MCUR1: variants seen among roughly 807,000 people sequenced by gnomAD.
MCUR1 encodes the protein mitochondrial calcium uniporter regulator 1.
In MCUR1, 37 loss-of-function variants were observed where a neutral mutation model predicts 42.0. That is an observed-to-expected ratio of 0.88 (90% confidence interval 0.68 to 1.16). The LOEUF (loss-of-function observed/expected upper bound fraction) is 1.16, where lower values mean the gene tolerates loss of function less well. MCUR1 is among the 50% of genes most tolerant of loss of function. MCUR1 has a pLI of 0.00. For synonymous variants in MCUR1, 229 were observed against 196.2 expected, an observed-to-expected ratio of 1.17 and a Z score of -1.40; for missense variants, 469 against 468.4, an observed-to-expected ratio of 1.00 and a Z score of -0.01.
chr6:13,790,965 T>G (rs1188579002), intron 8 of MCUR1, 101 bp from the exon 9 acceptor site: 1 of 846,372 alleles, frequency 1.2e-6, no homozygotes, highest in South Asian at 1.6e-5. Context: ...CCTAGAAACT[T>G]AGATTGCTCA....
At position 13,814,089 on chromosome 6, in the gene MCUR1, G is replaced by C. The variant is rs927068146; in HGVS notation, c.341C>G (p.Pro114Arg). Residue 114 changes from proline (P) to arginine (R), a missense_variant, in exon 1 of 9, where the codon CCG (proline) becomes CGG (arginine). By Grantham distance (103) the Pro-to-Arg change is moderately radical. Transcript: ENST00000379170. ...AGRSSAWRCSPGVAAAAGALP... is the reference protein window; with the variant it reads ...AGRSSAWRCSRGVAAAAGALP... ...GGCGCCGGCGGCAGCGGCGACGCCC[G>C]GTGAGCACCTCCACGCGCTGCTGCG... 3 of 1,239,924 alleles carry C rather than the reference G, an allele frequency of 2.4e-6. No individual in the cohort carries two copies. In the East Asian group the frequency reaches 9.5e-5, roughly 39 times the overall value. The allele number at this position is 1,239,924 out of a possible 1,614,324, so 76.8% of individuals were successfully genotyped here.
rs1219264426 is a variant in MCUR1 at position 13,801,394 on chromosome 6, G to C, written c.640-5C>G. 6.3e-7 allele frequency: 1 copy of C among 1,597,478 alleles called. No individual in the cohort carries two copies. Among genetic ancestry groups the C allele is most frequent in the East Asian group, 2.2e-5 (1 of 44,702 alleles). On this transcript the variant is annotated splice_polypyrimidine_tract_variant and splice_region_variant and intron_variant, in intron 3 of 8. Transcript: ENST00000379170. The stretch of plus-strand genomic sequence containing the variant: ...TACTTGCTGAAAAGTGATTTCCTAG[G>C]AAAAGAAAAACAAAACACATAATCT...
At chr6:13,803,373 T>C (rs1055432318) in intron 2 of MCUR1, among the ~76,000 whole-genome samples, 47 of 152,246 alleles carry the variant, frequency 3.1e-4, no homozygotes, top group African/African-American at 1.1e-3. Context: ...TACTTGGTAT[T>C]GTTTTTAAAA....
At chr6:13,799,263 C>T (rs563085147) in intron 5 of MCUR1, among the ~76,000 whole-genome samples, 1 of 151,916 alleles carries the variant, frequency 6.6e-6, no homozygotes, top group African/African-American at 2.4e-5. Context: ...TCTGCTCACG[C>T]AACTTCTGCC....
At position 13,798,881 on chromosome 6, in the gene MCUR1, T is replaced by G; in HGVS notation, c.807A>C (p.Thr269=). Residue 269 remains threonine (T), a synonymous_variant, in exon 6 of 9, where the codon ACA becomes ACC. Transcript: ENST00000379170. ...QVMDEVIKVR[T]DTKLDFNLEK... ...CTAGGTTGAAGTCTAATTTGGTATCTGTTCGGACTTTGATCACTTCATCCT... is the reference window on the plus strand; with the variant it reads ...CTAGGTTGAAGTCTAATTTGGTATCGGTTCGGACTTTGATCACTTCATCCT... The G allele has an allele frequency of 1.2e-6, 2 of 1,609,774 alleles. No homozygotes were observed. Among genetic ancestry groups the G allele is most frequent in the Non-Finnish European group, 1.7e-6 (2 of 1,176,446 alleles).
Position 13,789,434 on chromosome 6 carries a change from G to C in MCUR1, c.*1375C>G, listed in dbSNP as rs2113448588. 6.6e-6 allele frequency: 1 copy of C among 151,548 alleles called. No homozygotes were observed. The highest frequency in any genetic ancestry group is 2.4e-5 in the African/African-American group (1 of 41,318). The allele number at this position is 151,548 out of a possible 1,614,324, so 9.4% of individuals were successfully genotyped here. On this transcript the variant is annotated 3_prime_UTR_variant, in exon 9 of 9. Coordinates refer to ENST00000379170, the MANE Select transcript of MCUR1 (RefSeq NM_001031713.4). Reference sequence around the variant, plus strand: ...AAAAAGGTGAGAATGTGCTTTTCCAGAATAACCCCAGTTGTATCTAGAATT... The same window carrying C: ...AAAAAGGTGAGAATGTGCTTTTCCACAATAACCCCAGTTGTATCTAGAATT...
intron 6 of MCUR1, among the ~76,000 whole-genome samples, chr6:13,798,394 C>T (rs986543677): frequency 7.9e-5 from 12 of 152,066 alleles, no homozygotes; most frequent in Middle Eastern, 3.4e-3. Flanking sequence ...GCTACCGCGC[C>T]CGGCCAGAAA....
At chr6:13,808,345 G>C (rs1760156025) in intron 1 of MCUR1, among the ~76,000 whole-genome samples, 1 of 152,046 alleles carries the variant, frequency 6.6e-6, no homozygotes, top group African/African-American at 2.4e-5. Flanking sequence ...TTTTAATAGG[G>C]TTGTCTTTCT....
chr6:13,813,400 T>G (rs1042092665), intron 1 of MCUR1, among the ~76,000 whole-genome samples: 6 of 152,146 alleles, frequency 3.9e-5, no homozygotes, highest in African/African-American at 1.4e-4. Context: ...ATATAAAAAT[T>G]ATTTGTATAT....
At chr6:13,813,374 G>T (rs1199055669) in intron 1 of MCUR1, among the ~76,000 whole-genome samples, 1 of 151,820 alleles carries the variant, frequency 6.6e-6, no homozygotes, top group Non-Finnish European at 1.5e-5. Context: ...TCTATACCAG[G>T]CATCGAATTA....
At position 13,800,393 on chromosome 6, in the gene MCUR1, A is replaced by T. The variant is rs1759964900; in HGVS notation, c.742-11T>A. 1.4e-6 allele frequency: 2 copies of T among 1,423,160 alleles called. No homozygotes were observed. The highest frequency in any genetic ancestry group is 1.9e-6 in the Non-Finnish European group (2 of 1,033,668). 88.2% of individuals were successfully genotyped at this position (1,423,160 alleles called of 1,614,324 possible). ...TTCGAGTTTTATTTTCTAAAAACAC[A>T]TAAAAAAAAAGTCATTAGAAAGAAC... On this transcript the variant is annotated splice_polypyrimidine_tract_variant and intron_variant, in intron 4 of 8. Transcript: ENST00000379170.
rs1241762239 is a variant in MCUR1, at chr6:13,788,702, T to C, written c.*2107A>G. 2 of 152,216 alleles carry C rather than the reference T, an allele frequency of 1.3e-5. No homozygotes were observed. The highest frequency in any genetic ancestry group is 2.9e-5 in the Non-Finnish European group (2 of 68,042). The allele number at this position is 152,216 out of a possible 1,614,324, so 9.4% of individuals were successfully genotyped here. A position where few individuals can be genotyped will look rare whatever the true frequency, so the allele number is the denominator to read the frequency against. On this transcript the variant is annotated 3_prime_UTR_variant, in exon 9 of 9. Transcript: ENST00000379170. ...GTGTGCTGTCTCTTCTGGGGACTTC[T>C]CTCTGAAAGGGGGATGATATATTGA...
chr6:13,804,396 G>C (rs1760069062), intron 2 of MCUR1: 1 of 146,822 alleles, frequency 6.8e-6, no homozygotes, highest in African/African-American at 2.6e-5. Context: ...AATAAAGGTA[G>C]AAAGAGAACT....
intron 6 of MCUR1, among the ~76,000 whole-genome samples, chr6:13,796,298 T>C (rs1041792055): frequency 1.3e-5 from 2 of 151,416 alleles, no homozygotes; most frequent in Non-Finnish European, 2.9e-5. Context: ...TTTCTTTTTT[T>C]TTTTTTTGAG....
chr6:13,809,513 T>G (rs1389623622), intron 1 of MCUR1, among the ~76,000 whole-genome samples: 1 of 152,184 alleles, frequency 6.6e-6, no homozygotes. Flanking sequence ...TTCTGTAAAC[T>G]TCTTGTTTCA....
rs138786106 is a variant in MCUR1 at position 13,801,288 on chromosome 6, C to T, written c.741G>A (p.Glu247=). The T allele has an allele frequency of 3.7e-6, 6 of 1,601,704 alleles. No homozygotes were observed. The African/African-American group carries it at 8.0e-5, about 21-fold the overall frequency. ...SEFSALRAEN[E]KIKLELHQLK... is the part of the protein sequence containing the mutation. ...CTAAGTGTGAGAGGCTCTGTTTTACCTCATTTTCTGCTCTGAGGGCTGAAA... is the reference window on the plus strand; with the variant it reads ...CTAAGTGTGAGAGGCTCTGTTTTACTTCATTTTCTGCTCTGAGGGCTGAAA... Residue 247 remains glutamate, a splice_region_variant and synonymous_variant, in exon 4 of 9, where the codon GAG becomes GAA. Transcript: ENST00000379170.
chr6:13,813,868 C>T (rs1200038569), intron 1 of MCUR1, 147 bp downstream of exon 1: 2 of 879,832 alleles, frequency 2.3e-6, no homozygotes, highest in Admixed American at 4.4e-5. Flanking sequence ...GGACCTTCGA[C>T]CCACGCTCCG....
intron 1 of MCUR1, among the ~76,000 whole-genome samples, chr6:13,811,356 T>C (rs1207153374): frequency 6.6e-6 from 1 of 152,056 alleles, no homozygotes; most frequent in Non-Finnish European, 1.5e-5. Flanking sequence ...TTTTTTTTGG[T>C]AATTGAACTG....
intron 1 of MCUR1, among the ~76,000 whole-genome samples, chr6:13,810,935 C>T (rs1760219729): frequency 6.6e-6 from 1 of 152,214 alleles, no homozygotes. Flanking sequence ...TATGACCACG[C>T]TTATCCTTTC....
Sources: gnomAD v4.1 joint callset for allele counts (sites outside exome capture counted in the v4.1 genomes callset) on GRCh38, gnomAD v4.1.1 for gene constraint, MANE v1.5 for transcripts, NCBI Gene and HGNC (gene_info 2026-07-23, HGNC 2026-07-21) for gene names.